Variants in CCDC30 observed in about 807,000 individuals in gnomAD.
CCDC30 encodes coiled-coil domain-containing protein 30.
A neutral mutation model predicts 100.2 loss-of-function variants in CCDC30; 70 were observed. The observed-to-expected ratio is 0.70, with a 90% confidence interval of 0.58 to 0.85. CCDC30 has a LOEUF of 0.85. CCDC30 is among the 40% of genes least tolerant of loss of function. The pLI, the probability that CCDC30 is intolerant of heterozygous loss-of-function variation, is 0.00. For missense variants in CCDC30, 652 were observed against 771.2 expected (o/e 0.85, Z 1.83); for synonymous variants, 233 against 269.5 (o/e 0.86, Z 1.33).
intron 6 of CCDC30, among the ~76,000 whole-genome samples, chr1:42,520,700 G>A (rs544744771): frequency 7.1e-4 from 101 of 142,612 alleles, no homozygotes; most frequent in African/African-American, 2.6e-3. Context: ...GATTGCAGTG[G>A]CGTGATCGTG....
At chr1:42,533,004 G>A (rs956493212) in intron 6 of CCDC30, among the ~76,000 whole-genome samples, 4 of 152,254 alleles carry the variant, frequency 2.6e-5, no homozygotes, top group South Asian at 2.1e-4. Flanking sequence ...TGATCCACCC[G>A]CCTCGGCCTC....
At chr1:42,506,647 A>T (rs1280577071) in intron 6 of CCDC30, among the ~76,000 whole-genome samples, 2 of 152,244 alleles carry the variant, frequency 1.3e-5, no homozygotes, top group African/African-American at 4.8e-5. Flanking sequence ...AATATGTCAA[A>T]TAATCCTGTT....
At chr1:42,534,696 C>G (rs528737187) in intron 6 of CCDC30, among the ~76,000 whole-genome samples, 1 of 152,232 alleles carries the variant, frequency 6.6e-6, no homozygotes, top group Non-Finnish European at 1.5e-5. Context: ...CCCTTTGGCT[C>G]AGCTACCAAA....
At chr1:42,478,811 C>T (rs1643912963) in intron 1 of CCDC30, among the ~76,000 whole-genome samples, 1 of 151,990 alleles carries the variant, frequency 6.6e-6, no homozygotes, top group Non-Finnish European at 1.5e-5. Flanking sequence ...CCAAGATACC[C>T]ATTTTATGAT....
intron 6 of CCDC30, among the ~76,000 whole-genome samples, chr1:42,548,387 G>C (rs910869627): frequency 2.0e-5 from 3 of 152,202 alleles, no homozygotes; most frequent in African/African-American, 7.2e-5. Context: ...TTTGCCATGT[G>C]AGTGCAGTGG....
intron 6 of CCDC30, chr1:42,536,600 A>T (rs372767401): frequency 4.4e-6 from 7 of 1,584,414 alleles, no homozygotes; most frequent in Non-Finnish European, 5.2e-6. Context: ...GTTGAAAGTG[A>T]GGTATTACCA....
At position 42,644,942 on chromosome 1, in the gene CCDC30, G is replaced by A. The variant is rs996019475; in HGVS notation, c.1671+135G>A. The A allele has an allele frequency of 4.8e-6, 3 of 623,836 alleles. No homozygotes were observed. In the African/African-American group the frequency reaches 5.5e-5, roughly 12 times the overall value. The allele number at this position is 623,836 out of a possible 1,614,324, so 38.6% of individuals were successfully genotyped here. A position where few individuals can be genotyped will look rare whatever the true frequency, so the allele number is the denominator to read the frequency against. On this transcript the variant is annotated intron_variant, in intron 14 of 16. Coordinates refer to ENST00000668663, the Ensembl canonical transcript of CCDC30. ...GCCTCATGGTAGGCTGTGGCAAAGA[G>A]GCTCTTGGCTGCACACCAGGATAGC... is the stretch of plus-strand genomic sequence containing the variant.
chr1:42,538,391 A>G (rs1181066196), intron 6 of CCDC30, among the ~76,000 whole-genome samples: 1 of 152,064 alleles, frequency 6.6e-6, no homozygotes, highest in Non-Finnish European at 1.5e-5. Flanking sequence ...AACCCTGGTT[A>G]ATTAAGTCAC....
chr1:42,560,216 C>G (rs1645458538), intron 6 of CCDC30, among the ~76,000 whole-genome samples: 1 of 152,076 alleles, frequency 6.6e-6, no homozygotes, highest in African/African-American at 2.4e-5. Flanking sequence ...GACACCCTAA[C>G]ATCACAATTA....
At chr1:42,459,623 A>G, upstream of CCDC30, 4 of 1,613,806 alleles carry the variant, frequency 2.5e-6, no homozygotes, top group Non-Finnish European at 3.4e-6. Flanking sequence ...AGATGGTGCC[A>G]AAACTGCTTT....
At chr1:42,650,497 ATGTG>A (rs57051349) in intron 15 of CCDC30, among the ~76,000 whole-genome samples, 14,966 of 136,212 alleles carry the variant, frequency 0.11, 1,008 homozygotes, top group East Asian at 0.29. Flanking sequence ...AAAAATATAT[ATGTG>A]TGTGTGTGTG....
chr1:42,489,486 G>A (rs948104188), intron 3 of CCDC30, among the ~76,000 whole-genome samples: 50 of 152,278 alleles, frequency 3.3e-4, no homozygotes, highest in African/African-American at 1.2e-3. Flanking sequence ...CAATTGTGCT[G>A]ATGTGCTCAC....
In CCDC30 at chr1:42,500,143, G is replaced by T. The variant is rs952405055; in HGVS notation, c.456+1227G>T. 25 of 1,372,086 alleles carry T rather than the reference G, an allele frequency of 1.8e-5. No homozygotes were observed. In the Admixed American group the frequency reaches 3.7e-4, roughly 20 times the overall value. The allele number at this position is 1,372,086 out of a possible 1,614,324, so 85.0% of individuals were successfully genotyped here. On this transcript the variant is annotated intron_variant, in intron 6 of 16. Transcript: ENST00000668663. ...ATCTTACAAAGTTAAACAGCTAAAA[G>T]AAGTAAAATAAGAAGGCAATGCTTG...
In CCDC30 at chr1:42,644,940, G is replaced by C. The variant is rs375839129; in HGVS notation, c.1671+133G>C. The C allele has an allele frequency of 9.5e-6, 6 of 629,060 alleles. No homozygotes were observed. In the African/African-American group the frequency reaches 1.1e-4, roughly 12 times the overall value. 39.0% of individuals were successfully genotyped at this position (629,060 alleles called of 1,614,324 possible). On this transcript the variant is annotated intron_variant, in intron 14 of 16. Transcript: ENST00000668663. ...TGGCCTCATGGTAGGCTGTGGCAAA[G>C]AGGCTCTTGGCTGCACACCAGGATA...
rs1457749783 is a variant in CCDC30 at position 42,575,536 on chromosome 1, G to T, written c.637-1484G>T. 2.0e-5 allele frequency among the ~76,000 whole-genome samples: 3 copies of T among 151,340 alleles called. 1 individual carries two copies. The South Asian group carries it at 6.3e-4, about 32-fold the overall frequency. Reference sequence around the variant, plus strand: ...ATGGTGGCGGGTGCCTGTAGTCCCAGCTACTCAGGAGGCTGAGGCAGGAGA... The same window carrying T: ...ATGGTGGCGGGTGCCTGTAGTCCCATCTACTCAGGAGGCTGAGGCAGGAGA... On this transcript the variant is annotated intron_variant, in intron 7 of 16. Transcript: ENST00000668663.
chr1:42,480,620 T>C, intron 2 of CCDC30, 54 bp downstream of exon 2: 5 of 985,222 alleles, frequency 5.1e-6, no homozygotes, highest in Non-Finnish European at 6.0e-6. Flanking sequence ...GACTGATTTA[T>C]GTACGTTTCA....
exon 17 of CCDC30, chr1:42,653,900 T>C: frequency 6.2e-7 from 1 of 1,614,104 alleles, no homozygotes; most frequent in Non-Finnish European, 8.5e-7. Flanking sequence ...AATGGCAAGT[T>C]CAAAGTCCCC....
At chr1:42,542,882 C>T (rs918101126) in intron 6 of CCDC30, 2 of 153,466 alleles carry the variant, frequency 1.3e-5, no homozygotes, top group African/African-American at 4.8e-5. Context: ...GACAGGGTCT[C>T]CCTATTTTGC....
At chr1:42,488,999 C>T (rs1644094473) in intron 3 of CCDC30, among the ~76,000 whole-genome samples, 1 of 150,562 alleles carries the variant, frequency 6.6e-6, no homozygotes, top group Admixed American at 6.7e-5. Context: ...CTCAGTGTTC[C>T]CTCCTATGTC....
Sources: allele counts gnomAD v4.1 joint callset (sites outside exome capture counted in the v4.1 genomes callset), GRCh38; gene constraint gnomAD v4.1.1; transcripts MANE v1.5; gene names NCBI Gene and HGNC (gene_info 2026-07-23, HGNC 2026-07-21).